The following MRPL3 variants were observed in gnomAD, a reference collection of about 807,000 sequenced individuals.
MRPL3 encodes large ribosomal subunit protein uL3m.
A neutral mutation model predicts 44.3 loss-of-function variants in MRPL3; 43 were observed. The ratio of observed to expected loss-of-function variants is 0.97; its 90% CI spans 0.76 to 1.25. The LOEUF is 1.25. Ranked by LOEUF, MRPL3 falls within the 50% of genes most tolerant of loss-of-function variation. The probability of loss-of-function intolerance (pLI) is 0.00; values close to 1 mark genes in which losing one functional copy is unlikely to be tolerated. For synonymous variants in MRPL3, 171 were observed against 152.3 expected (o/e 1.12, Z -0.91); for missense variants, 406 against 427.6 (o/e 0.95, Z 0.45).
chr3:131,486,907 G>A (rs567116298), intron 6 of MRPL3, among the ~76,000 whole-genome samples: 1 of 152,098 alleles, frequency 6.6e-6, no homozygotes, highest in Non-Finnish European at 1.5e-5. Context: ...ATTCCTCAAG[G>A]ATCTAGAACT....
intron 6 of MRPL3, among the ~76,000 whole-genome samples, chr3:131,476,087 T>C (rs1933846825): frequency 6.6e-6 from 1 of 152,192 alleles, no homozygotes. Context: ...CTACAGAAGA[T>C]AACTTAGCTC....
At chr3:131,479,079 T>G in intron 6 of MRPL3, 1 of 496,616 alleles carries the variant, frequency 2.0e-6, no homozygotes, top group Non-Finnish European at 3.9e-6. Context: ...AAATTAAGTT[T>G]TCTTTTTTTC....
intron 6 of MRPL3, among the ~76,000 whole-genome samples, chr3:131,484,728 G>C (rs1934078934): frequency 6.6e-6 from 1 of 152,154 alleles, no homozygotes; most frequent in African/African-American, 2.4e-5. Flanking sequence ...AACAGTTCCA[G>C]ATGAGAAGGA....
At chr3:131,483,353 C>T (rs1934038591) in intron 6 of MRPL3, among the ~76,000 whole-genome samples, 1 of 152,100 alleles carries the variant, frequency 6.6e-6, no homozygotes. Flanking sequence ...GCTTCATTAT[C>T]TATTGATAGT....
intron 9 of MRPL3, among the ~76,000 whole-genome samples, chr3:131,466,992 CCCA>C (rs1446093081): frequency 2.6e-5 from 4 of 152,080 alleles, no homozygotes; most frequent in African/African-American, 9.7e-5. Context: ...AGCTCTCCTC[CCCA>C]CTATTTTCCC....
At chr3:131,474,300 CAAAT>C (rs1167053063) in intron 6 of MRPL3, among the ~76,000 whole-genome samples, 1 of 152,054 alleles carries the variant, frequency 6.6e-6, no homozygotes, top group African/African-American at 2.4e-5. Context: ...CACAGAAAGA[CAAAT>C]AATGTATGAT....
intron 6 of MRPL3, among the ~76,000 whole-genome samples, chr3:131,472,649 T>C (rs1933765339): frequency 1.3e-5 from 2 of 152,116 alleles, no homozygotes; most frequent in South Asian, 4.2e-4. Context: ...AGTTGTCCCA[T>C]TTGCAGATGA....
intron 4 of MRPL3, among the ~76,000 whole-genome samples, chr3:131,492,864 C>A (rs1317129001): frequency 6.6e-6 from 1 of 152,182 alleles, no homozygotes; most frequent in African/African-American, 2.4e-5. Context: ...AATATCACTA[C>A]AACCAGTGTC....
At chr3:131,485,311 A>C (rs1477750830) in intron 6 of MRPL3, among the ~76,000 whole-genome samples, 2 of 152,224 alleles carry the variant, frequency 1.3e-5, no homozygotes, top group African/African-American at 2.4e-5. Context: ...CAAGTTAGTC[A>C]CAAGTCCAGC....
At chr3:131,486,626 A>T (rs1934131900) in intron 6 of MRPL3, among the ~76,000 whole-genome samples, 1 of 152,088 alleles carries the variant, frequency 6.6e-6, no homozygotes, top group Non-Finnish European at 1.5e-5. Context: ...GAAAAAAACC[A>T]ACCCCATCAA....
intron 4 of MRPL3, among the ~76,000 whole-genome samples, chr3:131,491,032 C>T (rs1346181837): frequency 1.3e-5 from 2 of 152,210 alleles, no homozygotes; most frequent in Non-Finnish European, 2.9e-5. Flanking sequence ...CCCCTTTCTA[C>T]TGGAACTTCC....
chr3:131,489,692 A>G (rs999053216), intron 5 of MRPL3, among the ~76,000 whole-genome samples: 2 of 152,060 alleles, frequency 1.3e-5, no homozygotes, highest in African/African-American at 4.8e-5. Flanking sequence ...GTGAACAACG[A>G]TCTTTGAATT....
intron 6 of MRPL3, among the ~76,000 whole-genome samples, chr3:131,477,677 T>C (rs1378071479): frequency 6.6e-6 from 1 of 152,210 alleles, no homozygotes; most frequent in South Asian, 2.1e-4. Context: ...AAACTCCAGA[T>C]ACCCTATCAT....
At chr3:131,475,097 C>T (rs1446817318) in intron 6 of MRPL3, among the ~76,000 whole-genome samples, 1 of 152,044 alleles carries the variant, frequency 6.6e-6, no homozygotes, top group East Asian at 1.9e-4. Flanking sequence ...CATATTTTTA[C>T]TCTTAAAATG....
chr3:131,498,597 G>C (rs547541691), intron 3 of MRPL3, among the ~76,000 whole-genome samples: 4 of 150,932 alleles, frequency 2.7e-5, no homozygotes, highest in African/African-American at 9.7e-5. Context: ...AGCTACTCGG[G>C]AGGCTGAGGC....
chr3:131,473,147 C>T (rs952951124), intron 6 of MRPL3, among the ~76,000 whole-genome samples: 2 of 152,116 alleles, frequency 1.3e-5, no homozygotes, highest in African/African-American at 4.8e-5. Context: ...CATCATACTA[C>T]TTGACTTCAA....
rs560352821 is a variant in MRPL3, at chr3:131,502,710, A to G, written c.92+20T>C. 1.5e-5 allele frequency: 24 copies of G among 1,592,850 alleles called. No individual in the cohort carries two copies. In the East Asian group the frequency reaches 2.0e-4, roughly 13 times the overall value. Reference sequence around the variant, plus strand: ...TTCAGGACGCAACTGTGCAGGTAGGACACCCTCACACCTTCCTACCTGTTC... The same window carrying G: ...TTCAGGACGCAACTGTGCAGGTAGGGCACCCTCACACCTTCCTACCTGTTC... On this transcript the variant is annotated intron_variant, in intron 1 of 9. Coordinates refer to ENST00000264995, the MANE Select transcript of MRPL3 (RefSeq NM_007208.4).
chr3:131,485,420 G>C lies in MRPL3; in HGVS notation c.629+2260C>G, dbSNP rs1018496592. ...TAATGGAATTCACACAACATTAACTGTGTGTAAATTAACAAAATTACTATG... is the reference window on the plus strand; with the variant it reads ...TAATGGAATTCACACAACATTAACTCTGTGTAAATTAACAAAATTACTATG... On this transcript the variant is annotated intron_variant, in intron 6 of 9. Coordinates refer to ENST00000264995, the MANE Select transcript of MRPL3 (RefSeq NM_007208.4). Among the ~76,000 whole-genome samples the C allele has an allele frequency of 7.9e-5, 12 of 152,298 alleles. No homozygotes were observed. In the South Asian group the frequency reaches 1.4e-3, roughly 18 times the overall value.
At chr3:131,486,444 ATTT>A (rs1553718275) in intron 6 of MRPL3, among the ~76,000 whole-genome samples, 7 of 139,442 alleles carry the variant, frequency 5.0e-5, no homozygotes, top group Admixed American at 2.2e-4. Context: ...TGGGAGAAAA[ATTT>A]TTTTTTTTTT....
Sources: gnomAD v4.1 joint callset for allele counts (sites outside exome capture counted in the v4.1 genomes callset) on GRCh38, gnomAD v4.1.1 for gene constraint, MANE v1.5 for transcripts, NCBI Gene and HGNC (gene_info 2026-07-23, HGNC 2026-07-21) for gene names.